The following CRYBB2 variants were observed in gnomAD, a reference collection of about 807,000 sequenced individuals.
CRYBB2 encodes the protein crystallin beta B2.
CRYBB2 carries 12 observed loss-of-function variants against 24.3 expected under a neutral mutation model. That is an observed-to-expected ratio of 0.49 (90% CI 0.32 to 0.80). The LOEUF (loss-of-function observed/expected upper bound fraction) is 0.80. Ranked by LOEUF, CRYBB2 falls within the 30% of genes least tolerant of loss-of-function variation. The probability of loss-of-function intolerance (pLI) is 0.04; values close to 1 mark genes in which losing one functional copy is unlikely to be tolerated. For synonymous variants in CRYBB2, 98 were observed against 101.6 expected (o/e 0.96, Z 0.21); for missense variants, 198 against 268.5 (o/e 0.74, Z 1.83).
At chr22:25,221,535 T>A in intron 2 of CRYBB2, 52 bp downstream of exon 2, 1 of 1,422,504 alleles carries the variant, frequency 7.0e-7, no homozygotes, top group Non-Finnish European at 9.9e-7. Flanking sequence ...CCAGACTTAG[T>A]TGCCCTTCTG....
chr22:25,218,640 T>C (rs1467518258), upstream of CRYBB2, among the ~76,000 whole-genome samples: 1 of 146,114 alleles, frequency 6.8e-6, no homozygotes, highest in African/African-American at 2.6e-5. Flanking sequence ...CACTCCAGCC[T>C]GGGTGACAGA....
chr22:25,218,212 TCG>T (rs1366136443), upstream of CRYBB2, among the ~76,000 whole-genome samples: 3 of 149,570 alleles, frequency 2.0e-5, no homozygotes, highest in Non-Finnish European at 4.4e-5. Flanking sequence ...TGAGCTGAGA[TCG>T]TGCCACTGCA....
chr22:25,218,129 G>C (rs145929833), upstream of CRYBB2, among the ~76,000 whole-genome samples: 94 of 150,984 alleles, frequency 6.2e-4, no homozygotes, highest in African/African-American at 2.0e-3. Flanking sequence ...CGTGTTGGCG[G>C]GCGCCTGTAG....
At chr22:25,228,718 T>C (rs1331498635) in intron 4 of CRYBB2, among the ~76,000 whole-genome samples, 1 of 152,246 alleles carries the variant, frequency 6.6e-6, no homozygotes, top group Non-Finnish European at 1.5e-5. Context: ...TTGACCTCTC[T>C]GTGCCGCGCT....
intron 3 of CRYBB2, among the ~76,000 whole-genome samples, chr22:25,227,148 C>A (rs1168829538): frequency 6.6e-6 from 1 of 152,180 alleles, no homozygotes; most frequent in Non-Finnish European, 1.5e-5. Flanking sequence ...CTGGTTGGTC[C>A]CAGAATGCTA....
chr22:25,218,740 A>AGGG (rs1935237614), upstream of CRYBB2, among the ~76,000 whole-genome samples: 1 of 24,598 alleles, frequency 4.1e-5, no homozygotes, highest in Non-Finnish European at 7.2e-5. Context: ...GAGAGGGGAG[A>AGGG]GAGAGAGAGA....
At chr22:25,229,722 T>C (rs1353209250) in intron 5 of CRYBB2, 144 bp downstream of exon 5, 12 of 1,074,380 alleles carry the variant, frequency 1.1e-5, no homozygotes, top group Admixed American at 4.3e-5. Context: ...GGAAAGTAAA[T>C]GGGAATTCTC....
chr22:25,229,321 AAG>A (rs1356441233), intron 4 of CRYBB2, 113 bp from the exon 5 acceptor site: 9 of 1,521,210 alleles, frequency 5.9e-6, no homozygotes, highest in Non-Finnish European at 8.0e-6. Flanking sequence ...GTGCACTGGG[AAG>A]AGAGTGATGT....
intron 3 of CRYBB2, among the ~76,000 whole-genome samples, chr22:25,225,546 G>T (rs1308883110): frequency 1.3e-5 from 2 of 152,140 alleles, no homozygotes; most frequent in East Asian, 1.9e-4. Flanking sequence ...TGGGGGCCAG[G>T]TCTCTATCCA....
chr22:25,224,165 G>A (rs1935373243), intron 2 of CRYBB2, among the ~76,000 whole-genome samples: 1 of 151,752 alleles, frequency 6.6e-6, no homozygotes, highest in African/African-American at 2.4e-5. Context: ...CATGAAAGGT[G>A]GCAGCTAGCA....
upstream of CRYBB2, among the ~76,000 whole-genome samples, chr22:25,217,687 AG>A (rs1208444837): frequency 1.3e-5 from 2 of 152,206 alleles, no homozygotes; most frequent in Non-Finnish European, 2.9e-5. Context: ...ATGGTAAACC[AG>A]GGGGACAACT....
rs1920983009 is a variant in CRYBB2, at chr22:25,231,644, T to C, written c.490T>C (p.Tyr164His). 2 of 1,614,168 alleles carry C rather than the reference T, an allele frequency of 1.2e-6. No individual in the cohort carries two copies. Among genetic ancestry groups the C allele is most frequent in the African/African-American group, 1.3e-5 (1 of 75,036 alleles). ...YQYPGYRGLQ[Y>H]LLEKGDYKDS... Reference sequence around the variant, plus strand: ...GTACCCCGGCTACCGTGGGCTGCAGTACCTGCTGGAGAAGGGAGACTACAA... The same window carrying C: ...GTACCCCGGCTACCGTGGGCTGCAGCACCTGCTGGAGAAGGGAGACTACAA... Residue 164 changes from tyrosine (Y) to histidine (H), a missense_variant, in exon 6 of 6, where the codon TAC becomes CAC. By Grantham distance (83) the Tyr-to-His change is moderately conservative. Coordinates refer to ENST00000398215, the MANE Select transcript of CRYBB2 (RefSeq NM_000496.3).
chr22:25,229,623 G>A (rs569900072), intron 5 of CRYBB2, 45 bp downstream of exon 5: 10 of 1,609,638 alleles, frequency 6.2e-6, no homozygotes, highest in Admixed American at 1.7e-5. Flanking sequence ...CAGGAACTGA[G>A]ACTCTGGGGT....
intron 5 of CRYBB2, 25 bp from the exon 6 acceptor site, chr22:25,231,579 C>T (rs373339303): frequency 3.7e-4 from 595 of 1,612,774 alleles, no homozygotes; most frequent in Non-Finnish European, 4.8e-4. Flanking sequence ...CCTCGTTCAC[C>T]CTCCCATCAC....
At chr22:25,215,657 C>G (rs930099837), upstream of CRYBB2, among the ~76,000 whole-genome samples, 1 of 152,176 alleles carries the variant, frequency 6.6e-6, no homozygotes, top group East Asian at 1.9e-4. Context: ...AAAAACTTCA[C>G]TAAATTCCCA....
At chr22:25,216,431 C>T (rs893556134), upstream of CRYBB2, among the ~76,000 whole-genome samples, 2 of 152,152 alleles carry the variant, frequency 1.3e-5, no homozygotes, top group African/African-American at 4.8e-5. Context: ...AAGACAGTCA[C>T]GTGATTAAAG....
intron 4 of CRYBB2, among the ~76,000 whole-genome samples, chr22:25,228,597 C>T (rs989201875): frequency 6.6e-6 from 1 of 152,206 alleles, no homozygotes; most frequent in African/African-American, 2.4e-5. Flanking sequence ...CCCAGTCTAG[C>T]TCCTCCCAGG....
At chr22:25,217,178 A>AT (rs71191033), upstream of CRYBB2, among the ~76,000 whole-genome samples, 7,520 of 145,172 alleles carry the variant, frequency 0.052, 313 homozygotes, top group African/African-American at 0.11. Context: ...TCTATGTTGG[A>AT]TTTTTTTTTT....
At chr22:25,231,267 C>A (rs182657521) in intron 5 of CRYBB2, among the ~76,000 whole-genome samples, 2 of 152,162 alleles carry the variant, frequency 1.3e-5, no homozygotes, top group Admixed American at 6.5e-5. Flanking sequence ...GGTTCAAAGG[C>A]CTGGCTTATT....
Sources: allele counts gnomAD v4.1 joint callset (sites outside exome capture counted in the v4.1 genomes callset), GRCh38; gene constraint gnomAD v4.1.1; transcripts MANE v1.5; gene names NCBI Gene and HGNC (gene_info 2026-07-23, HGNC 2026-07-21).